PHRF1: variants seen among roughly 807,000 people sequenced by gnomAD.
PHRF1 encodes PHD and RING finger domain-containing protein 1.
In PHRF1, 53 loss-of-function variants were observed where a neutral mutation model predicts 128.9. That is an observed-to-expected ratio of 0.41 (90% CI 0.33 to 0.52). PHRF1 has a LOEUF of 0.52. PHRF1 is among the 20% of genes least tolerant of loss of function. The pLI, the probability that PHRF1 is intolerant of heterozygous loss-of-function variation, is 0.21. For missense variants in PHRF1, 2,503 were observed against 2,284.5 expected, an observed-to-expected ratio of 1.10 and a Z score of -1.95; for synonymous variants, 1,178 against 980.6, an observed-to-expected ratio of 1.20 and a Z score of -3.76.
At chr11:587,232 G>C in intron 3 of PHRF1, 27 bp from the exon 4 acceptor site, 1 of 1,608,766 alleles carries the variant, frequency 6.2e-7, no homozygotes, top group Non-Finnish European at 8.5e-7. Flanking sequence ...CATCCTGCTT[G>C]CACCAGCTGG....
At chr11:595,923 C>T (rs1051175482) in intron 6 of PHRF1, among the ~76,000 whole-genome samples, 3 of 152,220 alleles carry the variant, frequency 2.0e-5, no homozygotes, top group Non-Finnish European at 2.9e-5. Flanking sequence ...CAGGGCGTGT[C>T]GTGTGCCCGG....
In PHRF1 at chr11:611,642, C is replaced by T. The variant is rs1202796290; in HGVS notation, c.4815C>T (p.His1605=). Residue 1605 remains histidine (H), a synonymous_variant, in exon 18 of 18, where the codon CAC becomes CAT. Transcript: ENST00000264555. ...ILRKAVQKIC[H]SKSGEINPVK... Reference sequence around the variant, plus strand: ...TGCACCTCTTTCTCCAGATCTGCCACAGCAAGAGTGGAGAGATCAACCCCG... The same window carrying T: ...TGCACCTCTTTCTCCAGATCTGCCATAGCAAGAGTGGAGAGATCAACCCCG... 18 of 1,612,944 alleles carry T rather than the reference C, an allele frequency of 1.1e-5. No homozygotes were observed. The highest frequency in any genetic ancestry group is 1.4e-5 in the Non-Finnish European group (17 of 1,179,850).
chr11:584,258 G>T (rs542203354), intron 3 of PHRF1, among the ~76,000 whole-genome samples: 2 of 152,208 alleles, frequency 1.3e-5, no homozygotes, highest in African/African-American at 2.4e-5. Context: ...CAGTTCTGGC[G>T]TTGCCAGGGC....
chr11:601,428 CAAAA>C (rs59861558), intron 9 of PHRF1, 142 bp from the exon 10 acceptor site: 938 of 871,738 alleles, frequency 1.1e-3, no homozygotes, highest in Middle Eastern at 2.7e-3. Context: ...GATCCTGTCT[CAAAA>C]AAAAAAAAAA....
Position 606,566 on chromosome 11 carries a change from C to T in PHRF1, c.1579C>T (p.Arg527Cys), listed in dbSNP as rs1047072793. 26 of 1,608,198 alleles carry T rather than the reference C, an allele frequency of 1.6e-5. No homozygotes were observed. Among genetic ancestry groups the T allele is most frequent in the Non-Finnish European group, 2.2e-5 (26 of 1,178,024 alleles). The change falls in exon 13 of 18, where the codon CGC becomes TGC. Residue 527 changes from arginine to cysteine, a missense_variant. By Grantham distance (180) the Arg-to-Cys change is radical. Transcript: ENST00000264555. ...GGGCAGCAGTGATGTCATCATCCAC[C>T]GCGACGGCTCCCTCAGCGCCAAGAG... The part of the protein sequence containing the change: ...MLGSSDVIIH[R>C]DGSLSAKRAA...
At position 610,911 on chromosome 11, in the gene PHRF1, C is replaced by G. The variant is rs377066035; in HGVS notation, c.4678-43C>G. On this transcript the variant is annotated intron_variant, in intron 16 of 17. Coordinates refer to ENST00000264555, the MANE Select transcript of PHRF1 (RefSeq NM_001286581.2). ...CACAGTGCCTCTGGCCAGAGGGACT[C>G]CCGGCTCCCTTCCTGGCCGCATCAC... 17 of 1,604,734 alleles carry G rather than the reference C, an allele frequency of 1.1e-5. No homozygotes were observed. In the African/African-American group the frequency reaches 2.3e-4, roughly 21 times the overall value.
rs767322221 is a variant in PHRF1 at position 597,243 on chromosome 11, T to G, written c.719-152T>G. Among the ~76,000 whole-genome samples, 1 of 151,952 alleles carries G rather than the reference T, an allele frequency of 6.6e-6. No individual in the cohort carries two copies. The highest frequency in any genetic ancestry group is 1.5e-5 in the Non-Finnish European group (1 of 67,948). ...GGCTGGGGGGTTCCGGTCCTCAGTGTTAGGAGCACCAGGCTCCATGAGCAG... is the reference window on the plus strand; with the variant it reads ...GGCTGGGGGGTTCCGGTCCTCAGTGGTAGGAGCACCAGGCTCCATGAGCAG... On this transcript the variant is annotated intron_variant, in intron 7 of 17. Coordinates refer to ENST00000264555, the MANE Select transcript of PHRF1 (RefSeq NM_001286581.2). This position sits in a 1 kb window ranked among gnomAD's most constrained non-coding sequence, Gnocchi z 6.5.
rs1441828197 is a variant in PHRF1 at position 592,730 on chromosome 11, C to T, written c.620+56C>T. ...CCTGCTGCGTGCAAGGCGGGCCAGGCGCAGGAGGGATGCAGAGCCTCTTCG... is the reference window on the plus strand; with the variant it reads ...CCTGCTGCGTGCAAGGCGGGCCAGGTGCAGGAGGGATGCAGAGCCTCTTCG... On this transcript the variant is annotated intron_variant, in intron 6 of 17. Coordinates refer to ENST00000264555, the MANE Select transcript of PHRF1 (RefSeq NM_001286581.2). 29 of 1,565,472 alleles carry T rather than the reference C, an allele frequency of 1.9e-5. No homozygotes were observed. In the Admixed American group the frequency reaches 3.8e-4, roughly 21 times the overall value.
In PHRF1 at chr11:606,425, T is replaced by C. The variant is rs905932569; in HGVS notation, c.1455-17T>C. 1.3e-6 allele frequency: 2 copies of C among 1,537,224 alleles called. No individual in the cohort carries two copies. Among genetic ancestry groups the C allele is most frequent in the Non-Finnish European group, 1.7e-6 (2 of 1,146,842 alleles). The stretch of plus-strand genomic sequence containing the variant: ...GTGGGAGGCAGTGACGGCAGGGCCT[T>C]GGGTCTGTGCCCACAGGAGGCGCCT... On this transcript the variant is annotated splice_polypyrimidine_tract_variant and intron_variant, in intron 12 of 17. Transcript: ENST00000264555.
chr11:590,849 A>G (rs145990638), intron 4 of PHRF1, among the ~76,000 whole-genome samples: 1 of 152,156 alleles, frequency 6.6e-6, no homozygotes, highest in East Asian at 1.9e-4. Flanking sequence ...GGTTACAGGT[A>G]TGCGCCACCA....
intron 1 of PHRF1, among the ~76,000 whole-genome samples, chr11:576,854 CCG>C: frequency 1.3e-5 from 1 of 77,944 alleles, no homozygotes; most frequent in African/African-American, 4.6e-5. Flanking sequence ...GGAGGCCCCG[CCG>C]AGACTGGGAG....
Position 597,835 on chromosome 11 carries a change from A to AC in PHRF1, c.894+271dup, listed in dbSNP as rs957391675. ...CCTGGCGGGGTGGGGGCTCTAGGAA[A>AC]CCCCCCTTGTTCCCCAGGCCCCATG... On this transcript the variant is annotated intron_variant, in intron 8 of 17. Coordinates refer to ENST00000264555, the MANE Select transcript of PHRF1 (RefSeq NM_001286581.2). This position sits in a 1 kb window ranked among gnomAD's most constrained non-coding sequence, Gnocchi z 6.5. Among the ~76,000 whole-genome samples the AC allele has an allele frequency of 2.0e-5, 3 of 151,502 alleles. No individual in the cohort carries two copies. Among genetic ancestry groups the AC allele is most frequent in the Non-Finnish European group, 4.4e-5 (3 of 67,804 alleles).
At position 609,523 on chromosome 11, in the gene PHRF1, A is replaced by C. The variant is rs760603775; in HGVS notation, c.4067A>C (p.Glu1356Ala). The C allele has an allele frequency of 1.4e-5, 23 of 1,601,744 alleles. No homozygotes were observed. The highest frequency in any genetic ancestry group is 2.0e-5 in the Non-Finnish European group (23 of 1,176,910). ...LLRPDAAEKA[E>A]APSSPDVAPA... Reference sequence around the variant, plus strand: ...AGGCCGGACGCGGCTGAGAAGGCTGAGGCACCCAGTTCCCCGGATGTGGCG... The same window carrying C: ...AGGCCGGACGCGGCTGAGAAGGCTGCGGCACCCAGTTCCCCGGATGTGGCG... Residue 1356 changes from glutamate to alanine, a missense_variant, in exon 14 of 18, where the codon GAG becomes GCG. Transcript: ENST00000264555.
chr11:581,111 A>T (rs533331893), intron 1 of PHRF1, among the ~76,000 whole-genome samples: 1 of 143,918 alleles, frequency 6.9e-6, no homozygotes. Context: ...GGCGTGACCA[A>T]TTTTTTTTTT....
intron 10 of PHRF1, among the ~76,000 whole-genome samples, chr11:604,900 C>T (rs115984244): frequency 0.014 from 2,064 of 152,266 alleles, 39 homozygotes; most frequent in African/African-American, 0.046. Context: ...CTGCAATGCC[C>T]GAGAGCCTCT....
At chr11:586,129 A>G (rs111339543) in intron 3 of PHRF1, among the ~76,000 whole-genome samples, 5,971 of 152,160 alleles carry the variant, frequency 0.039, 404 homozygotes, top group African/African-American at 0.14. Flanking sequence ...CCAAAGTACT[A>G]GGATTACAGG....
intron 16 of PHRF1, 64 bp from the exon 17 acceptor site, chr11:610,890 G>A: frequency 1.3e-6 from 2 of 1,595,572 alleles, no homozygotes; most frequent in Non-Finnish European, 1.7e-6. Flanking sequence ...CAGAACCACA[G>A]TGCCTCTGGC....
chr11:589,396 A>G (rs1854786963), intron 4 of PHRF1, among the ~76,000 whole-genome samples: 1 of 152,174 alleles, frequency 6.6e-6, no homozygotes, highest in Non-Finnish European at 1.5e-5. Context: ...ATGTGTTGTG[A>G]AGTCAACACA....
intron 6 of PHRF1, among the ~76,000 whole-genome samples, chr11:592,907 AT>A (rs1855064798): frequency 1.3e-5 from 2 of 152,248 alleles, no homozygotes. Flanking sequence ...CAGGTAATAC[AT>A]CAAGACAAAA....
Sources: allele counts gnomAD v4.1 joint callset (sites outside exome capture counted in the v4.1 genomes callset), GRCh38; gene constraint gnomAD v4.1.1; non-coding constraint Gnocchi (gnomAD v3.1); transcripts MANE v1.5; gene names NCBI Gene and HGNC (gene_info 2026-07-23, HGNC 2026-07-21).